Variants in ACVR2A observed in about 807,000 individuals in gnomAD.
ACVR2A encodes the protein activin receptor type-2A.
In ACVR2A, 7 loss-of-function variants were observed where a neutral mutation model predicts 61.4. That is an observed-to-expected ratio of 0.11 (90% CI 0.06 to 0.21). The LOEUF (loss-of-function observed/expected upper bound fraction) is 0.21. Ranked by LOEUF, ACVR2A falls within the 10% of genes least tolerant of loss-of-function variation. The pLI, the probability that ACVR2A is intolerant of heterozygous loss-of-function variation, is 1.00. For missense variants in ACVR2A, 322 were observed against 621.7 expected, an observed-to-expected ratio of 0.52 and a Z score of 5.13; for synonymous variants, 193 against 208.3, an observed-to-expected ratio of 0.93 and a Z score of 0.63.
At chr2:147,917,566 A>C in intron 6 of ACVR2A, 140 bp downstream of exon 6, 1 of 1,043,638 alleles carries the variant, frequency 9.6e-7, no homozygotes, top group African/African-American at 1.7e-5. Context: ...ATCATTCTTG[A>C]ATAAAAATGT....
At position 147,915,424 on chromosome 2, in the gene ACVR2A, G is replaced by A. The variant is rs546881343; in HGVS notation, c.672+90G>A. On this transcript the variant is annotated intron_variant, in intron 5 of 10. Transcript: ENST00000241416. The stretch of plus-strand genomic sequence containing the variant: ...AATAGTCTCAAAACAGAAGCCATAT[G>A]TACCAAGGTGGTTCTTTGTGATACT... The A allele has an allele frequency of 1.3e-4, 191 of 1,491,674 alleles. 2 individuals are homozygous for A. The South Asian group carries it at 2.0e-3, about 16-fold the overall frequency. 92.4% of individuals were successfully genotyped at this position (1,491,674 alleles called of 1,614,324 possible). A position where few individuals can be genotyped will look rare whatever the true frequency, so the allele number is the denominator to read the frequency against.
intron 1 of ACVR2A, among the ~76,000 whole-genome samples, chr2:147,864,251 AG>A (rs1364091053): frequency 2.0e-5 from 3 of 151,944 alleles, no homozygotes; most frequent in Non-Finnish European, 4.4e-5. Context: ...TTTTTTTGAG[AG>A]GGAGTCTAAC....
In ACVR2A at chr2:147,884,538, C is replaced by G. The variant is rs141956789; in HGVS notation, c.56-11763C>G. Among the ~76,000 whole-genome samples, 511 of 152,178 alleles carry G rather than the reference C, an allele frequency of 3.4e-3. 13 individuals carry two copies. Among genetic ancestry groups the G allele is most frequent in the Admixed American group, 0.031 (478 of 15,280 alleles). On this transcript the variant is annotated intron_variant, in intron 1 of 10. Coordinates refer to ENST00000241416, the MANE Select transcript of ACVR2A (RefSeq NM_001616.5). Reference sequence around the variant, plus strand: ...ACTAAAATATTAGGAAGATAATTAGCAGTGAAGTGAAGCATAGGATAATTA... The same window carrying G: ...ACTAAAATATTAGGAAGATAATTAGGAGTGAAGTGAAGCATAGGATAATTA...
chr2:147,891,035 C>A (rs542585457), intron 1 of ACVR2A, among the ~76,000 whole-genome samples: 1 of 152,148 alleles, frequency 6.6e-6, no homozygotes, highest in African/African-American at 2.4e-5. Flanking sequence ...AATAAAATGG[C>A]CCTTTGTTTA....
At chr2:147,860,729 A>C (rs1404957469) in intron 1 of ACVR2A, among the ~76,000 whole-genome samples, 1 of 152,190 alleles carries the variant, frequency 6.6e-6, no homozygotes, top group Non-Finnish European at 1.5e-5. Flanking sequence ...CAGAAAGATG[A>C]GAGATCCTTA....
At position 147,927,385 on chromosome 2, in the gene ACVR2A, G is replaced by A. The variant is rs973206133; in HGVS notation, c.*111G>A. Reference sequence around the variant, plus strand: ...TGTAAAATGAGTAGGATGTCTCTTGGAAATGTTAAGAAAGAAGACCCTTTG... The same window carrying A: ...TGTAAAATGAGTAGGATGTCTCTTGAAAATGTTAAGAAAGAAGACCCTTTG... On this transcript the variant is annotated 3_prime_UTR_variant, in exon 11 of 11. Transcript: ENST00000241416. 9.6e-7 allele frequency: 1 copy of A among 1,045,970 alleles called. No individual in the cohort carries two copies. Among genetic ancestry groups the A allele is most frequent in the Non-Finnish European group, 1.3e-6 (1 of 748,450 alleles). The allele number at this position is 1,045,970 out of a possible 1,614,324, so 64.8% of individuals were successfully genotyped here.
chr2:147,878,909 A>T (rs1409237512), intron 1 of ACVR2A, among the ~76,000 whole-genome samples: 1 of 67,156 alleles, frequency 1.5e-5, no homozygotes, highest in East Asian at 8.5e-4. Context: ...ACCTGTCTTT[A>T]AAAAAAAAAA....
At chr2:147,888,410 C>G (rs1279038382) in intron 1 of ACVR2A, among the ~76,000 whole-genome samples, 1 of 152,120 alleles carries the variant, frequency 6.6e-6, no homozygotes. Context: ...AATCCATGAA[C>G]AGTTTGTCTT....
rs1687557448 is a variant in ACVR2A at position 147,928,350 on chromosome 2, T to C, written c.*1076T>C. ...CAAACAGTGTGTGGGACATTCTTTA[T>C]CACTGTTTTAGGATCACCTCAGGAA... On this transcript the variant is annotated 3_prime_UTR_variant, in exon 11 of 11. Coordinates refer to ENST00000241416, the MANE Select transcript of ACVR2A (RefSeq NM_001616.5). The C allele has an allele frequency of 6.6e-6, 1 of 152,238 alleles. No individual in the cohort carries two copies. The highest frequency in any genetic ancestry group is 2.4e-5 in the African/African-American group (1 of 41,382). 9.4% of individuals were successfully genotyped at this position (152,238 alleles called of 1,614,324 possible). A position where few individuals can be genotyped will look rare whatever the true frequency, so the allele number is the denominator to read the frequency against.
chr2:147,848,580 A>G (rs1431139611), intron 1 of ACVR2A, among the ~76,000 whole-genome samples: 2 of 152,182 alleles, frequency 1.3e-5, no homozygotes, highest in Non-Finnish European at 2.9e-5. Flanking sequence ...CAAATACCAC[A>G]TGTTCCTATA....
intron 1 of ACVR2A, among the ~76,000 whole-genome samples, chr2:147,853,033 C>T (rs987234544): frequency 2.6e-5 from 4 of 151,812 alleles, no homozygotes; most frequent in Non-Finnish European, 2.9e-5. Flanking sequence ...TCCCAAATAC[C>T]CCATATGTGG....
intron 1 of ACVR2A, among the ~76,000 whole-genome samples, chr2:147,888,821 A>C (rs1686508155): frequency 6.6e-6 from 1 of 151,930 alleles, no homozygotes; most frequent in Admixed American, 6.6e-5. Flanking sequence ...AGTAGTTACA[A>C]CTTTCAGTAC....
intron 1 of ACVR2A, among the ~76,000 whole-genome samples, chr2:147,871,719 C>T (rs1686024157): frequency 6.6e-6 from 1 of 152,092 alleles, no homozygotes; most frequent in African/African-American, 2.4e-5. Context: ...ATTCTGAGGA[C>T]TAAGCCTCGT....
chr2:147,929,668 G>GTGTT lies in ACVR2A; in HGVS notation c.*2397_*2400dup, dbSNP rs1230494148. 1.3e-5 allele frequency: 2 copies of GTGTT among 152,194 alleles called. No homozygotes were observed. Among genetic ancestry groups the GTGTT allele is most frequent in the Non-Finnish European group, 2.9e-5 (2 of 67,916 alleles). 9.4% of individuals were successfully genotyped at this position (152,194 alleles called of 1,614,324 possible). A position where few individuals can be genotyped will look rare whatever the true frequency, so the allele number is the denominator to read the frequency against. The stretch of plus-strand genomic sequence containing the variant: ...AAAACTTTCTTTTGCAGGGTATTTA[G>GTGTT]TGTTTGGTTTACAGTCAGTGCAGAG... On this transcript the variant is annotated 3_prime_UTR_variant, in exon 11 of 11. Coordinates refer to ENST00000241416, the MANE Select transcript of ACVR2A (RefSeq NM_001616.5).
intron 4 of ACVR2A, chr2:147,902,750 A>C (rs1384274010): frequency 6.6e-6 from 1 of 151,946 alleles, no homozygotes; most frequent in Non-Finnish European, 1.5e-5. Context: ...ACTTTTTCGA[A>C]GGGTAGGAGA....
At chr2:147,894,221 A>G (rs1370333535) in intron 1 of ACVR2A, among the ~76,000 whole-genome samples, 3 of 152,030 alleles carry the variant, frequency 2.0e-5, no homozygotes, top group African/African-American at 4.8e-5. Context: ...TGTCCCATTG[A>G]TACATGTTTC....
At chr2:147,847,713 A>T (rs2105127242) in intron 1 of ACVR2A, among the ~76,000 whole-genome samples, 1 of 152,170 alleles carries the variant, frequency 6.6e-6, no homozygotes, top group African/African-American at 2.4e-5. Flanking sequence ...AACATTTTAA[A>T]TTTTGCCCCT....
chr2:147,857,288 G>A (rs946500577), intron 1 of ACVR2A, among the ~76,000 whole-genome samples: 2 of 152,006 alleles, frequency 1.3e-5, no homozygotes, highest in African/African-American at 4.8e-5. Context: ...TTTCTAGTTA[G>A]TCTAGCAACA....
intron 1 of ACVR2A, among the ~76,000 whole-genome samples, chr2:147,890,621 G>T (rs1573683226): frequency 6.6e-6 from 1 of 152,146 alleles, no homozygotes; most frequent in Middle Eastern, 3.4e-3. Context: ...AATGTCAGTA[G>T]TAACTATTTA....
Sources: gnomAD v4.1 joint callset for allele counts (sites outside exome capture counted in the v4.1 genomes callset) on GRCh38, gnomAD v4.1.1 for gene constraint, MANE v1.5 for transcripts, NCBI Gene and HGNC (gene_info 2026-07-23, HGNC 2026-07-21) for gene names.